The following KIAA1328 variants were observed in gnomAD, a reference collection of about 807,000 sequenced individuals.
KIAA1328 encodes the protein KIAA1328, also known as protein hinderin.
In KIAA1328, 52 loss-of-function variants were observed where a neutral mutation model predicts 68.1. The observed-to-expected ratio is 0.76, with a 90% CI of 0.61 to 0.96. The LOEUF (loss-of-function observed/expected upper bound fraction) is 0.96. Ranked by LOEUF, KIAA1328 falls within the 40% of genes least tolerant of loss-of-function variation. The pLI is 0.00. For missense variants in KIAA1328, 641 were observed against 677.6 expected, an observed-to-expected ratio of 0.95 and a Z score of 0.60; for synonymous variants, 232 against 239.4, an observed-to-expected ratio of 0.97 and a Z score of 0.28.
At chr18:36,960,707 C>T (rs1193079479) in intron 6 of KIAA1328, among the ~76,000 whole-genome samples, 2 of 152,168 alleles carry the variant, frequency 1.3e-5, no homozygotes, top group African/African-American at 4.8e-5. Flanking sequence ...CACCAACAGA[C>T]CTGCAGCTGA....
intron 9 of KIAA1328, among the ~76,000 whole-genome samples, chr18:37,183,605 C>T (rs565662857): frequency 1.8e-4 from 27 of 152,184 alleles, no homozygotes; most frequent in Non-Finnish European, 2.6e-4. Flanking sequence ...TCATCATTAT[C>T]CTCCTCCCAA....
intron 7 of KIAA1328, among the ~76,000 whole-genome samples, chr18:37,108,763 TTTTTGTTTTG>T (rs528797156): frequency 6.6e-6 from 1 of 152,106 alleles, no homozygotes; most frequent in African/African-American, 2.4e-5. Context: ...ACACTGGTGT[TTTTTGTTTTG>T]TTTTGTTTTG....
chr18:37,042,029 C>T (rs1466473354), intron 6 of KIAA1328, among the ~76,000 whole-genome samples: 2 of 151,998 alleles, frequency 1.3e-5, no homozygotes, highest in Non-Finnish European at 2.9e-5. Flanking sequence ...TACAGGCATG[C>T]ACCACCACAC....
chr18:37,042,503 T>G (rs2055295833), intron 6 of KIAA1328, among the ~76,000 whole-genome samples: 1 of 152,230 alleles, frequency 6.6e-6, no homozygotes, highest in South Asian at 2.1e-4. Context: ...TGAAGGTTAG[T>G]TTTGCTGGAT....
intron 4 of KIAA1328, among the ~76,000 whole-genome samples, chr18:36,854,338 C>T (rs1243656804): frequency 7.2e-5 from 11 of 151,988 alleles, no homozygotes; most frequent in Non-Finnish European, 1.5e-4. Flanking sequence ...TTAAGGCAGC[C>T]CTAATGAATT....
At chr18:37,173,477 T>C (rs528576579) in intron 9 of KIAA1328, among the ~76,000 whole-genome samples, 1 of 152,330 alleles carries the variant, frequency 6.6e-6, no homozygotes, top group East Asian at 1.9e-4. Context: ...AACATTAACT[T>C]AAGACCAGAC....
intron 6 of KIAA1328, among the ~76,000 whole-genome samples, chr18:37,022,802 A>G (rs2054398722): frequency 6.6e-6 from 1 of 152,200 alleles, no homozygotes. Context: ...AATTGTTAAG[A>G]AATTGTTGTA....
intron 6 of KIAA1328, among the ~76,000 whole-genome samples, chr18:37,034,714 A>G (rs2151596728): frequency 6.6e-6 from 1 of 152,330 alleles, no homozygotes; most frequent in Admixed American, 6.5e-5. Flanking sequence ...ATAGTTACTA[A>G]CAGGTTAAAA....
chr18:37,165,110 C>T (rs1226502784), intron 8 of KIAA1328, among the ~76,000 whole-genome samples: 1 of 152,054 alleles, frequency 6.6e-6, no homozygotes, highest in Non-Finnish European at 1.5e-5. Context: ...ACTCTCAGGC[C>T]CACCCCTATG....
chr18:37,135,591 T>C (rs1028373736), intron 7 of KIAA1328, among the ~76,000 whole-genome samples: 2 of 152,190 alleles, frequency 1.3e-5, no homozygotes, highest in African/African-American at 4.8e-5. Flanking sequence ...TATTAGACCT[T>C]TGTCAGATGT....
chr18:37,080,668 G>A (rs568159385), intron 7 of KIAA1328, among the ~76,000 whole-genome samples: 18 of 151,722 alleles, frequency 1.2e-4, no homozygotes, highest in South Asian at 6.3e-4. Flanking sequence ...CCAGCTACTC[G>A]GGAGGCTGAG....
intron 9 of KIAA1328, among the ~76,000 whole-genome samples, chr18:37,214,577 G>A (rs556821119): frequency 6.6e-6 from 1 of 152,266 alleles, no homozygotes; most frequent in Non-Finnish European, 1.5e-5. Context: ...TTGAAGTCAG[G>A]TATCGTGATG....
chr18:37,213,762 C>T (rs1007773318), intron 9 of KIAA1328, among the ~76,000 whole-genome samples: 3 of 152,212 alleles, frequency 2.0e-5, no homozygotes, highest in African/African-American at 7.2e-5. Flanking sequence ...TACACTCCCA[C>T]CAACAGTGTA....
intron 5 of KIAA1328, among the ~76,000 whole-genome samples, chr18:36,912,251 T>TA (rs2049482617): frequency 6.6e-6 from 1 of 152,114 alleles, no homozygotes; most frequent in African/African-American, 2.4e-5. Context: ...CTCAATGGGT[T>TA]AAAATCAAGG....
chr18:36,878,884 T>G (rs1177458968), intron 4 of KIAA1328, among the ~76,000 whole-genome samples: 1 of 152,240 alleles, frequency 6.6e-6, no homozygotes, highest in Non-Finnish European at 1.5e-5. Flanking sequence ...TATGTTCTTC[T>G]CTGAGCTGGT....
chr18:36,915,624 G>C (rs942256452), intron 5 of KIAA1328, among the ~76,000 whole-genome samples: 1 of 152,090 alleles, frequency 6.6e-6, no homozygotes, highest in Non-Finnish European at 1.5e-5. Context: ...CAATGAGATA[G>C]TATTATCTTA....
intron 5 of KIAA1328, among the ~76,000 whole-genome samples, chr18:36,942,951 A>T (rs1017304390): frequency 6.6e-6 from 1 of 152,216 alleles, no homozygotes; most frequent in Non-Finnish European, 1.5e-5. Context: ...AATCAGCCCT[A>T]GAAATGATGC....
At chr18:37,206,671 G>A (rs986636311) in intron 9 of KIAA1328, among the ~76,000 whole-genome samples, 4 of 152,126 alleles carry the variant, frequency 2.6e-5, no homozygotes, top group Admixed American at 6.5e-5. Flanking sequence ...TGGGGCCTTA[G>A]TGTTTTCTTC....
intron 4 of KIAA1328, among the ~76,000 whole-genome samples, chr18:36,868,495 G>T (rs986966380): frequency 1.3e-5 from 2 of 152,096 alleles, no homozygotes; most frequent in African/African-American, 4.8e-5. Flanking sequence ...GCTGAAAGAC[G>T]CTGATAATTC....
Sources: gnomAD v4.1 joint callset for allele counts (sites outside exome capture counted in the v4.1 genomes callset) on GRCh38, gnomAD v4.1.1 for gene constraint, MANE v1.5 for transcripts, NCBI Gene and HGNC (gene_info 2026-07-23, HGNC 2026-07-21) for gene names.